CRTAC1: variants seen among roughly 807,000 people sequenced by gnomAD.
The protein encoded by CRTAC1 is cartilage acidic protein 1.
A neutral mutation model predicts 67.8 loss-of-function variants in CRTAC1; 37 were observed. The observed-to-expected ratio is 0.55, with a 90% CI of 0.42 to 0.72. The LOEUF (loss-of-function observed/expected upper bound fraction) is 0.72, where lower values mean the gene tolerates loss of function less well. CRTAC1 is among the 30% of genes least tolerant of loss of function. The pLI is 0.00. For synonymous variants in CRTAC1, 348 were observed against 371.0 expected (o/e 0.94, Z 0.71); for missense variants, 780 against 931.6 (o/e 0.84, Z 2.12).
In CRTAC1 at chr10:97,946,556, C is replaced by T. The variant is rs115529094; in HGVS notation, c.225-10190G>A. Among the ~76,000 whole-genome samples, 463 of 152,238 alleles carry T rather than the reference C, an allele frequency of 3.0e-3. 3 individuals are homozygous for T. The highest frequency in any genetic ancestry group is 0.01 in the African/African-American group (423 of 41,540). On this transcript the variant is annotated intron_variant, in intron 2 of 14. Transcript: ENST00000370597. Reference sequence around the variant, plus strand: ...CATCTCCAGAGGCAAGAGCTGGGAGCCTGTGGTTGGTAGCTTTCAACTAGT... The same window carrying T: ...CATCTCCAGAGGCAAGAGCTGGGAGTCTGTGGTTGGTAGCTTTCAACTAGT...
At chr10:97,906,830 G>A (rs554696871) in intron 6 of CRTAC1, among the ~76,000 whole-genome samples, 21 of 152,278 alleles carry the variant, frequency 1.4e-4, no homozygotes, top group Admixed American at 1.3e-3. Flanking sequence ...TGCTGGGGTG[G>A]TAGGTACTCG....
chr10:97,910,519 T>A (rs2050676257), intron 5 of CRTAC1, among the ~76,000 whole-genome samples: 1 of 152,164 alleles, frequency 6.6e-6, no homozygotes, highest in East Asian at 1.9e-4. Context: ...TTTACTATAA[T>A]AAGAAGAGTT....
chr10:97,968,988 C>T (rs2051662902), intron 2 of CRTAC1, among the ~76,000 whole-genome samples: 1 of 152,228 alleles, frequency 6.6e-6, no homozygotes, highest in African/African-American at 2.4e-5. Context: ...ACATTTGGAG[C>T]TCTGCTGGTG....
chr10:97,980,434 C>A (rs1302671327), intron 2 of CRTAC1, among the ~76,000 whole-genome samples: 1 of 152,206 alleles, frequency 6.6e-6, no homozygotes, highest in Non-Finnish European at 1.5e-5. Context: ...ATATTATACA[C>A]TCCAAGAGTC....
chr10:97,929,031 G>A (rs1219798365), intron 3 of CRTAC1, among the ~76,000 whole-genome samples: 3 of 152,028 alleles, frequency 2.0e-5, no homozygotes, highest in Admixed American at 6.5e-5. Context: ...AGGCTTGATC[G>A]GGATGGGGAA....
intron 2 of CRTAC1, among the ~76,000 whole-genome samples, chr10:97,967,598 T>G (rs1436195761): frequency 6.6e-6 from 1 of 152,220 alleles, no homozygotes; most frequent in Non-Finnish European, 1.5e-5. Context: ...TATTTCTATA[T>G]GTAACCATCT....
chr10:97,982,839 G>A (rs1227920874), intron 2 of CRTAC1, among the ~76,000 whole-genome samples: 2 of 152,194 alleles, frequency 1.3e-5, no homozygotes, highest in Non-Finnish European at 2.9e-5. Context: ...ACTAAGAATT[G>A]AAGAAAGTGG....
At chr10:97,979,977 T>C (rs751004172) in intron 2 of CRTAC1, among the ~76,000 whole-genome samples, 18 of 152,318 alleles carry the variant, frequency 1.2e-4, no homozygotes, top group Middle Eastern at 6.8e-3. Context: ...CTGGGGGCTG[T>C]CTCTTCAACA....
intron 11 of CRTAC1, among the ~76,000 whole-genome samples, chr10:97,885,026 T>C (rs953010527): frequency 1.3e-5 from 2 of 152,222 alleles, no homozygotes; most frequent in African/African-American, 4.8e-5. Context: ...CCTGTTCTCA[T>C]GGAGTTCCCA....
chr10:97,878,600 G>A (rs1320155082), intron 14 of CRTAC1: 19 of 1,302,386 alleles, frequency 1.5e-5, no homozygotes, highest in Non-Finnish European at 1.9e-5. Context: ...AGCATATTCT[G>A]TGGCGTTACA....
chr10:97,904,235 G>A (rs2050578650), intron 7 of CRTAC1, among the ~76,000 whole-genome samples: 1 of 152,008 alleles, frequency 6.6e-6, no homozygotes, highest in Non-Finnish European at 1.5e-5. Context: ...CAGCAGCCCA[G>A]CTGTAGTCCC....
chr10:97,973,029 G>A (rs897856514), intron 2 of CRTAC1, among the ~76,000 whole-genome samples: 1 of 152,146 alleles, frequency 6.6e-6, no homozygotes, highest in African/African-American at 2.4e-5. Context: ...AAACAATGGT[G>A]TCTTAGATGT....
At chr10:97,879,598 G>T in intron 14 of CRTAC1, 3 of 1,480,030 alleles carry the variant, frequency 2.0e-6, no homozygotes, top group Non-Finnish European at 2.7e-6. Flanking sequence ...ACTGGGCGTG[G>T]AGAGAGAGAC....
At chr10:97,974,937 G>C (rs1236463063) in intron 2 of CRTAC1, among the ~76,000 whole-genome samples, 1 of 152,202 alleles carries the variant, frequency 6.6e-6, no homozygotes, top group Non-Finnish European at 1.5e-5. Context: ...CGGAGGGGAA[G>C]GGGAGGCGGG....
chr10:97,916,458 G>C (rs2050759836), intron 5 of CRTAC1, among the ~76,000 whole-genome samples: 1 of 152,158 alleles, frequency 6.6e-6, no homozygotes. Context: ...CTTTCACCAG[G>C]GTGAAAAGTG....
In CRTAC1 at chr10:98,005,105, T is replaced by A. The variant is rs1424792175; in HGVS notation, c.224+6033A>T. Among the ~76,000 whole-genome samples the A allele has an allele frequency of 3.7e-3, 451 of 123,248 alleles. 1 individual carries two copies. The highest frequency in any genetic ancestry group is 6.4e-3 in the African/African-American group (197 of 30,604). 80.9% of individuals were successfully genotyped at this position (123,248 alleles called of 152,430 possible). On this transcript the variant is annotated intron_variant, in intron 2 of 14. Transcript: ENST00000370597. ...ACATATATATATATATATATATTTT[T>A]TTTTTTTTTTTTTTTTGAGATGGAG... is the stretch of plus-strand genomic sequence containing the variant.
intron 2 of CRTAC1, among the ~76,000 whole-genome samples, chr10:97,942,203 C>T (rs2136621327): frequency 6.6e-6 from 1 of 152,314 alleles, no homozygotes; most frequent in East Asian, 1.9e-4. Flanking sequence ...TTCCAGTAAA[C>T]TATAAGCTTC....
intron 5 of CRTAC1, among the ~76,000 whole-genome samples, 200 bp downstream of exon 5, chr10:97,917,300 A>G (rs1287292767): frequency 6.6e-6 from 1 of 152,210 alleles, no homozygotes; most frequent in African/African-American, 2.4e-5. Flanking sequence ...CCTGCCAGAT[A>G]TCTCACCAAT....
chr10:97,991,305 T>G (rs942943058), intron 2 of CRTAC1, among the ~76,000 whole-genome samples: 4 of 151,346 alleles, frequency 2.6e-5, no homozygotes, highest in Admixed American at 2.0e-4. Context: ...GTCAGCTACT[T>G]GGGAGGCTGA....
Sources: allele counts gnomAD v4.1 joint callset (sites outside exome capture counted in the v4.1 genomes callset), GRCh38; gene constraint gnomAD v4.1.1; transcripts MANE v1.5; gene names NCBI Gene and HGNC (gene_info 2026-07-23, HGNC 2026-07-21).